SH3GL2: variants seen among roughly 807,000 people sequenced by gnomAD.
SH3GL2 encodes SH3 domain containing GRB2 like 2, endophilin A1.
In SH3GL2, 24 loss-of-function variants were observed where a neutral mutation model predicts 46.0. That is an observed-to-expected ratio of 0.52 (90% CI 0.38 to 0.73). The LOEUF (loss-of-function observed/expected upper bound fraction) is 0.73, where lower values mean the gene tolerates loss of function less well. SH3GL2 is among the 30% of genes least tolerant of loss of function. The probability of loss-of-function intolerance (pLI) is 0.00; values close to 1 mark genes in which losing one functional copy is unlikely to be tolerated. For missense variants in SH3GL2, 413 were observed against 424.2 expected (o/e 0.97, Z 0.23); for synonymous variants, 196 against 147.1 (o/e 1.33, Z -2.40).
chr9:17,608,388 T>C (rs956739556), intron 1 of SH3GL2, among the ~76,000 whole-genome samples: 12 of 152,088 alleles, frequency 7.9e-5, no homozygotes, highest in Non-Finnish European at 1.6e-4. Flanking sequence ...CCTCGTGATC[T>C]GCCCGCCTTG....
intron 1 of SH3GL2, among the ~76,000 whole-genome samples, chr9:17,726,846 G>T (rs10756904): frequency 0.19 from 29,302 of 152,118 alleles, 3,422 homozygotes; most frequent in East Asian, 0.38. Context: ...TTGGTAAACT[G>T]CAGATAGGAC....
chr9:17,587,483 T>C (rs1216562802), intron 1 of SH3GL2, among the ~76,000 whole-genome samples: 1 of 152,194 alleles, frequency 6.6e-6, no homozygotes, highest in South Asian at 2.1e-4. Flanking sequence ...GGCATAACTT[T>C]TCAGTCAACT....
chr9:17,788,367 G>C (rs1018250537), intron 5 of SH3GL2, among the ~76,000 whole-genome samples: 8 of 152,116 alleles, frequency 5.3e-5, no homozygotes, highest in African/African-American at 1.9e-4. Context: ...TTTTGGATCA[G>C]GGCATGGACT....
intron 1 of SH3GL2, among the ~76,000 whole-genome samples, chr9:17,610,155 C>T (rs1389074271): frequency 6.6e-6 from 1 of 152,194 alleles, no homozygotes; most frequent in Non-Finnish European, 1.5e-5. Context: ...CCATCTTCTC[C>T]AAAGTTAGCT....
At chr9:17,788,185 C>A (rs1279497450) in intron 5 of SH3GL2, among the ~76,000 whole-genome samples, 1 of 152,058 alleles carries the variant, frequency 6.6e-6, no homozygotes, top group Non-Finnish European at 1.5e-5. Flanking sequence ...GAACTAGGGC[C>A]TCCTCCTCCT....
chr9:17,782,447 C>CAT (rs1376035742), intron 3 of SH3GL2, among the ~76,000 whole-genome samples: 1 of 152,124 alleles, frequency 6.6e-6, no homozygotes, highest in African/African-American at 2.4e-5. Flanking sequence ...GATGGTAAAC[C>CAT]ATATAGCTTT....
intron 1 of SH3GL2, among the ~76,000 whole-genome samples, chr9:17,711,961 C>G (rs80275238): frequency 3.3e-5 from 5 of 151,742 alleles, no homozygotes; most frequent in Non-Finnish European, 7.4e-5. Flanking sequence ...TGCTCTACAC[C>G]CTCACTAATA....
intron 1 of SH3GL2, among the ~76,000 whole-genome samples, chr9:17,654,071 T>G (rs112524768): frequency 2.7e-4 from 41 of 152,256 alleles, no homozygotes; most frequent in Middle Eastern, 3.4e-3. Context: ...GCAGCTAGCT[T>G]CTAGAAGGTG....
intron 1 of SH3GL2, among the ~76,000 whole-genome samples, chr9:17,584,020 C>T (rs181643947): frequency 1.3e-5 from 2 of 152,186 alleles, no homozygotes; most frequent in African/African-American, 2.4e-5. Context: ...TTGCTTGACC[C>T]AGGATTTCTA....
intron 2 of SH3GL2, among the ~76,000 whole-genome samples, chr9:17,758,826 A>C (rs62549703): frequency 6.6e-6 from 1 of 151,996 alleles, no homozygotes; most frequent in Non-Finnish European, 1.5e-5. Context: ...GTCTGCCTCA[A>C]TGGGCACAAA....
At chr9:17,725,779 TAGC>T (rs1822006312) in intron 1 of SH3GL2, among the ~76,000 whole-genome samples, 3 of 152,154 alleles carry the variant, frequency 2.0e-5, no homozygotes. Context: ...AGAGTCCTCT[TAGC>T]AGCACCTGCC....
intron 1 of SH3GL2, among the ~76,000 whole-genome samples, chr9:17,646,270 C>A (rs746947923): frequency 6.6e-6 from 1 of 151,944 alleles, no homozygotes; most frequent in Non-Finnish European, 1.5e-5. Flanking sequence ...GTTAGCAATT[C>A]CTCTAACCTT....
chr9:17,740,255 AC>A, intron 1 of SH3GL2, among the ~76,000 whole-genome samples: 1 of 152,142 alleles, frequency 6.6e-6, no homozygotes, highest in Non-Finnish European at 1.5e-5. Context: ...CATTTTCAAA[AC>A]ATCATGGCAT....
intron 1 of SH3GL2, among the ~76,000 whole-genome samples, chr9:17,712,701 A>C (rs182743444): frequency 6.6e-6 from 1 of 151,808 alleles, no homozygotes; most frequent in Non-Finnish European, 1.5e-5. Context: ...CCTTGATTAC[A>C]GTAGCTTTAT....
intron 1 of SH3GL2, among the ~76,000 whole-genome samples, chr9:17,657,927 C>T (rs1291617341): frequency 6.6e-6 from 1 of 152,052 alleles, no homozygotes; most frequent in East Asian, 1.9e-4. Flanking sequence ...TTTGTGGTAC[C>T]CTGGACATTA....
intron 1 of SH3GL2, among the ~76,000 whole-genome samples, chr9:17,599,916 G>A (rs1818638966): frequency 6.6e-6 from 1 of 151,120 alleles, no homozygotes; most frequent in Non-Finnish European, 1.5e-5. Context: ...CAGGAAACGG[G>A]AATAAATATC....
At chr9:17,611,480 C>T (rs1447301301) in intron 1 of SH3GL2, among the ~76,000 whole-genome samples, 2 of 152,168 alleles carry the variant, frequency 1.3e-5, no homozygotes, top group Non-Finnish European at 2.9e-5. Flanking sequence ...CTTCTGGCTA[C>T]AGCATAATCA....
chr9:17,741,004 T>A (rs1249296828), intron 1 of SH3GL2, among the ~76,000 whole-genome samples: 1 of 152,128 alleles, frequency 6.6e-6, no homozygotes, highest in East Asian at 1.9e-4. Flanking sequence ...TTAAAAACCC[T>A]TGCCTAAAGT....
At chr9:17,658,912 C>G (rs1002607859) in intron 1 of SH3GL2, among the ~76,000 whole-genome samples, 1 of 152,180 alleles carries the variant, frequency 6.6e-6, no homozygotes, top group Admixed American at 6.5e-5. Context: ...TCAGGACCTG[C>G]TTGAAGTGCA....
Sources: gnomAD v4.1 joint callset for allele counts (sites outside exome capture counted in the v4.1 genomes callset) on GRCh38, gnomAD v4.1.1 for gene constraint, MANE v1.5 for transcripts, NCBI Gene and HGNC (gene_info 2026-07-23, HGNC 2026-07-21) for gene names.